Variants in FAM222A observed in about 807,000 individuals in gnomAD.
FAM222A encodes the protein family with sequence similarity 222 member A, also known as protein FAM222A.
In FAM222A, 7 loss-of-function variants were observed where a neutral mutation model predicts 25.8. The ratio of observed to expected loss-of-function variants is 0.27; its 90% confidence interval spans 0.15 to 0.51. The LOEUF (loss-of-function observed/expected upper bound fraction) is 0.51, where lower values mean the gene tolerates loss of function less well. Among genes scored for constraint, FAM222A ranks in the 20% least tolerant of loss-of-function variants. The pLI, the probability that FAM222A is intolerant of heterozygous loss-of-function variation, is 0.97. For synonymous variants in FAM222A, 294 were observed against 298.8 expected, an observed-to-expected ratio of 0.98 and a Z score of 0.17; for missense variants, 573 against 640.5, an observed-to-expected ratio of 0.89 and a Z score of 1.14.
At position 109,763,082 on chromosome 12, in the gene FAM222A, G is replaced by A. The variant is rs1888945147; in HGVS notation, c.83-4930G>A. Among the ~76,000 whole-genome samples, 4 of 152,216 alleles carry A rather than the reference G, an allele frequency of 2.6e-5. No homozygotes were observed. The South Asian group carries it at 8.3e-4, about 32-fold the overall frequency. On this transcript the variant is annotated intron_variant, in intron 2 of 2. Coordinates refer to ENST00000538780, the MANE Select transcript of FAM222A (RefSeq NM_032829.3). ...GCCTCCCTGCCTCCTTGAGCCTCTAGGCTGACTCTGTGGTCCCTTCTCAGG... is the reference window on the plus strand; with the variant it reads ...GCCTCCCTGCCTCCTTGAGCCTCTAAGCTGACTCTGTGGTCCCTTCTCAGG...
chr12:109,769,563 G>A lies in FAM222A; in HGVS notation c.*275G>A. On this transcript the variant is annotated 3_prime_UTR_variant, in exon 3 of 3. Coordinates refer to ENST00000538780, the MANE Select transcript of FAM222A (RefSeq NM_032829.3). ...CCCATGCCTTCCTTTATCTAAGCTGGCAGAGGCAGGGAGAGAGAAACCACT... is the reference window on the plus strand; with the variant it reads ...CCCATGCCTTCCTTTATCTAAGCTGACAGAGGCAGGGAGAGAGAAACCACT... The A allele has an allele frequency of 2.0e-6, 1 of 504,186 alleles. No individual in the cohort carries two copies. The highest frequency in any genetic ancestry group is 3.5e-6 in the Non-Finnish European group (1 of 284,366). The allele number at this position is 504,186 out of a possible 1,614,324, so 31.2% of individuals were successfully genotyped here.
intron 1 of FAM222A, among the ~76,000 whole-genome samples, chr12:109,733,237 CTT>C (rs1421360148): frequency 1.3e-5 from 2 of 152,056 alleles, no homozygotes; most frequent in Non-Finnish European, 2.9e-5. Flanking sequence ...GTTTCAAAGA[CTT>C]AGAATAAAAA....
rs1296497501 is a variant in FAM222A at position 109,752,094 on chromosome 12, AC to A, written c.82+7868del. Among the ~76,000 whole-genome samples, 3 of 152,256 alleles carry A rather than the reference AC, an allele frequency of 2.0e-5. No individual in the cohort carries two copies. In the East Asian group the frequency reaches 5.8e-4, roughly 29 times the overall value. On this transcript the variant is annotated intron_variant, in intron 2 of 2. Coordinates refer to ENST00000538780, the MANE Select transcript of FAM222A (RefSeq NM_032829.3). Reference sequence around the variant, plus strand: ...TGTCTCAAAGGGTCTGTGCCTTTTAACCTTTGATTGCTACTGTCCCCCTGTC... The same window carrying A: ...TGTCTCAAAGGGTCTGTGCCTTTTAACTTTGATTGCTACTGTCCCCCTGTC...
At chr12:109,721,771 G>C (rs868505507) in intron 1 of FAM222A, among the ~76,000 whole-genome samples, 1 of 152,144 alleles carries the variant, frequency 6.6e-6, no homozygotes, top group African/African-American at 2.4e-5. Context: ...TGCAGATTCC[G>C]AGCACTGACA....
chr12:109,767,996 TG>T lies in FAM222A; in HGVS notation c.83-15del. 1 of 1,606,968 alleles carries T rather than the reference TG, an allele frequency of 6.2e-7. No individual in the cohort carries two copies. The highest frequency in any genetic ancestry group is 8.5e-7 in the Non-Finnish European group (1 of 1,175,764). The stretch of plus-strand genomic sequence containing the variant: ...TGGCCTCCTGATGGGCCCTCACACC[TG>T]CTTTCCTCCCACAGGCGAGGCGGTG... On this transcript the variant is annotated splice_polypyrimidine_tract_variant and intron_variant, in intron 2 of 2. Coordinates refer to ENST00000538780, the MANE Select transcript of FAM222A (RefSeq NM_032829.3).
At chr12:109,743,890 G>A (rs1194413450) in intron 1 of FAM222A, 32 of 985,436 alleles carry the variant, frequency 3.2e-5, no homozygotes, top group Non-Finnish European at 3.9e-5. Context: ...CCACTCAAGA[G>A]CCCTGGATTC....
intron 2 of FAM222A, among the ~76,000 whole-genome samples, chr12:109,765,517 C>T (rs1889021753): frequency 1.3e-5 from 2 of 152,242 alleles, no homozygotes; most frequent in South Asian, 4.1e-4. Context: ...TTTGCCTGGG[C>T]TGTTTACTCT....
chr12:109,744,480 A>G (rs1888336718), intron 2 of FAM222A: 1 of 985,320 alleles, frequency 1.0e-6, no homozygotes, highest in Non-Finnish European at 1.2e-6. Flanking sequence ...TCTTCTGACC[A>G]CCACCATCGC....
intron 2 of FAM222A, among the ~76,000 whole-genome samples, chr12:109,746,846 T>C: frequency 6.6e-6 from 1 of 152,190 alleles, no homozygotes; most frequent in East Asian, 1.9e-4. Context: ...GTGACTGGCT[T>C]CTTTCACTTA....
chr12:109,757,955 G>A (rs1888781655), intron 2 of FAM222A, among the ~76,000 whole-genome samples: 1 of 152,192 alleles, frequency 6.6e-6, no homozygotes, highest in African/African-American at 2.4e-5. Context: ...TAAGGTGTGG[G>A]CTCCCAAAGA....
intron 2 of FAM222A, among the ~76,000 whole-genome samples, chr12:109,745,544 C>G (rs752050199): frequency 8.5e-5 from 13 of 152,204 alleles, no homozygotes; most frequent in Non-Finnish European, 1.5e-4. Flanking sequence ...GATGGTGTAT[C>G]TGTGGATACC....
chr12:109,713,872 C>A lies in FAM222A; in HGVS notation c.-1072C>A, dbSNP rs1887581312. On this transcript the variant is annotated 5_prime_UTR_variant, in exon 1 of 3. Coordinates refer to ENST00000538780, the MANE Select transcript of FAM222A (RefSeq NM_032829.3). Reference sequence around the variant, plus strand: ...GGGCAGGACTGCCTGGCCGGCTGCTCCGCGGAGAGGCTGCGCGCGCCGGCC... The same window carrying A: ...GGGCAGGACTGCCTGGCCGGCTGCTACGCGGAGAGGCTGCGCGCGCCGGCC... 2.0e-5 allele frequency among the ~76,000 whole-genome samples: 3 copies of A among 148,846 alleles called. No homozygotes were observed. The highest frequency in any genetic ancestry group is 2.0e-4 in the Admixed American group (3 of 14,982).
chr12:109,738,363 A>G (rs1337722640), intron 1 of FAM222A, among the ~76,000 whole-genome samples: 1 of 152,164 alleles, frequency 6.6e-6, no homozygotes, highest in Admixed American at 6.5e-5. Context: ...AGTATTCCCA[A>G]TCCAGCATTC....
intron 1 of FAM222A, among the ~76,000 whole-genome samples, chr12:109,724,039 C>G (rs915967956): frequency 6.6e-6 from 1 of 152,336 alleles, no homozygotes; most frequent in South Asian, 2.1e-4. Flanking sequence ...GACCCATCCC[C>G]GGGGGCTTCC....
intron 1 of FAM222A, among the ~76,000 whole-genome samples, chr12:109,715,687 C>A (rs61941858): frequency 6.6e-5 from 10 of 152,208 alleles, no homozygotes; most frequent in Non-Finnish European, 8.8e-5. Flanking sequence ...TGCTCCTCCC[C>A]GCAAGGACAG....
At chr12:109,757,497 C>A (rs1431379623) in intron 2 of FAM222A, among the ~76,000 whole-genome samples, 1 of 152,140 alleles carries the variant, frequency 6.6e-6, no homozygotes, top group Non-Finnish European at 1.5e-5. Context: ...ACAGAGGAGG[C>A]CTACCTCACA....
Position 109,763,969 on chromosome 12 carries a change from C to T in FAM222A, c.83-4043C>T, listed in dbSNP as rs922100673. Reference sequence around the variant, plus strand: ...GTGCCGTGGCATCTCAAAGTGCTGACCTGTAATCCCAGCACTTTGAGACAC... The same window carrying T: ...GTGCCGTGGCATCTCAAAGTGCTGATCTGTAATCCCAGCACTTTGAGACAC... On this transcript the variant is annotated intron_variant, in intron 2 of 2. Coordinates refer to ENST00000538780, the MANE Select transcript of FAM222A (RefSeq NM_032829.3). Among the ~76,000 whole-genome samples, 24 of 152,178 alleles carry T rather than the reference C, an allele frequency of 1.6e-4. No individual in the cohort carries two copies. In the South Asian group the frequency reaches 2.1e-3, roughly 13 times the overall value.
chr12:109,747,645 G>A (rs1044144816), intron 2 of FAM222A, among the ~76,000 whole-genome samples: 21 of 151,876 alleles, frequency 1.4e-4, no homozygotes, highest in Non-Finnish European at 3.1e-4. Context: ...TGTCTCTCGG[G>A]AATGTTTTAA....
intron 1 of FAM222A, chr12:109,720,201 C>A (rs1388036595): frequency 1.0e-6 from 1 of 985,240 alleles, no homozygotes; most frequent in African/African-American, 1.7e-5. Context: ...CCTGGGGGCC[C>A]CTGCTATTGT....
Sources: gnomAD v4.1 joint callset for allele counts (sites outside exome capture counted in the v4.1 genomes callset) on GRCh38, gnomAD v4.1.1 for gene constraint, MANE v1.5 for transcripts, NCBI Gene and HGNC (gene_info 2026-07-23, HGNC 2026-07-21) for gene names.